CR1L: variants seen among roughly 807,000 people sequenced by gnomAD.
CR1L encodes the protein complement C3b/C4b receptor 1 like.
CR1L carries 59 observed loss-of-function variants against 62.3 expected under a neutral mutation model. The observed-to-expected ratio is 0.95, with a 90% CI of 0.77 to 1.18. CR1L has a LOEUF of 1.18. Ranked by LOEUF, CR1L falls within the 50% of genes most tolerant of loss-of-function variation. The probability of loss-of-function intolerance (pLI) is 0.00; values close to 1 mark genes in which losing one functional copy is unlikely to be tolerated. For synonymous variants in CR1L, 279 were observed against 248.7 expected, an observed-to-expected ratio of 1.12 and a Z score of -1.15; for missense variants, 700 against 702.8, an observed-to-expected ratio of 1.00 and a Z score of 0.04.
chr1:207,649,745 A>G (rs1011661523), intron 1 of CR1L, among the ~76,000 whole-genome samples: 1 of 152,178 alleles, frequency 6.6e-6, no homozygotes, highest in Non-Finnish European at 1.5e-5. Context: ...TATGTTAGGA[A>G]GCCTTAGACA....
chr1:207,664,701 CAGAGG>C (rs1253740823), intron 1 of CR1L, among the ~76,000 whole-genome samples: 4 of 152,016 alleles, frequency 2.6e-5, no homozygotes, highest in Admixed American at 2.6e-4. Flanking sequence ...TGTTTGAGAG[CAGAGG>C]AGAGAATTGC....
chr1:207,667,632 T>G (rs1260562993), intron 1 of CR1L, among the ~76,000 whole-genome samples: 1 of 152,232 alleles, frequency 6.6e-6, no homozygotes, highest in African/African-American at 2.4e-5. Context: ...TCCTTTTCTC[T>G]CATTCTTGGA....
chr1:207,689,128 T>A lies in CR1L; in HGVS notation c.463+5171T>A, dbSNP rs146085934. On this transcript the variant is annotated intron_variant, in intron 4 of 11. Coordinates refer to ENST00000508064, the MANE Select transcript of CR1L (RefSeq NM_175710.2). ...GTATGCTGTAGATTTTTGTATGATA[T>A]CCTTTATTAGATTAAGGAAACTCCC... Among the ~76,000 whole-genome samples, 1,313 of 152,250 alleles carry A rather than the reference T, an allele frequency of 8.6e-3. 18 individuals carry two copies. The highest frequency in any genetic ancestry group is 0.024 in the African/African-American group (1,018 of 41,562).
chr1:207,710,919 A>G, intron 10 of CR1L: 1 of 931,596 alleles, frequency 1.1e-6, no homozygotes, highest in Non-Finnish European at 1.6e-6. Context: ...AAGAAGCATG[A>G]AATTAAGAAT....
intron 4 of CR1L, among the ~76,000 whole-genome samples, chr1:207,693,747 G>C (rs1290442000): frequency 6.6e-6 from 1 of 151,680 alleles, no homozygotes; most frequent in East Asian, 1.9e-4. Flanking sequence ...GTTCAATAGA[G>C]CTTATCTTTT....
At chr1:207,716,721 A>G (rs1015946096) in intron 10 of CR1L, among the ~76,000 whole-genome samples, 2 of 152,232 alleles carry the variant, frequency 1.3e-5, no homozygotes, top group African/African-American at 4.8e-5. Context: ...AAATTCAAGC[A>G]TGAGAAGTTA....
intron 9 of CR1L, among the ~76,000 whole-genome samples, chr1:207,706,013 GTA>G (rs139294447): frequency 0.24 from 32,423 of 132,798 alleles, 3,730 homozygotes; most frequent in South Asian, 0.25. Context: ...GTGTGTGTAT[GTA>G]TATATATATA....
intron 3 of CR1L, among the ~76,000 whole-genome samples, chr1:207,678,904 C>G (rs941481763): frequency 1.3e-5 from 2 of 152,038 alleles, no homozygotes; most frequent in African/African-American, 4.8e-5. Flanking sequence ...ACTCCAGTTT[C>G]TGTCTCTGTC....
chr1:207,679,356 A>G (rs1042134723), intron 3 of CR1L, among the ~76,000 whole-genome samples: 2 of 151,774 alleles, frequency 1.3e-5, no homozygotes, highest in African/African-American at 4.8e-5. Context: ...TGGGGCCCAC[A>G]CTAACAACTT....
chr1:207,701,479 G>C (rs918357220), intron 8 of CR1L, 40 bp from the exon 9 acceptor site: 2 of 1,610,934 alleles, frequency 1.2e-6, no homozygotes, highest in Non-Finnish European at 1.7e-6. Context: ...AGAGAGTTCA[G>C]ATTACTCTAC....
intron 1 of CR1L, among the ~76,000 whole-genome samples, chr1:207,672,706 A>G (rs1450571395): frequency 1.3e-5 from 2 of 152,122 alleles, no homozygotes; most frequent in Non-Finnish European, 2.9e-5. Context: ...AGTGTTTAAC[A>G]TAGGGTAGAC....
chr1:207,718,176 G>T (rs1222607632), intron 11 of CR1L, among the ~76,000 whole-genome samples: 1 of 152,180 alleles, frequency 6.6e-6, no homozygotes, highest in Non-Finnish European at 1.5e-5. Context: ...CCAAGGGTTT[G>T]TTCAAGCCGC....
chr1:207,673,676 C>A (rs1411564204), intron 1 of CR1L, among the ~76,000 whole-genome samples: 2 of 152,098 alleles, frequency 1.3e-5, no homozygotes. Flanking sequence ...CAAGTGTTGG[C>A]AATAAAGTGG....
At chr1:207,655,221 T>C (rs1388936694) in intron 1 of CR1L, 4 of 693,832 alleles carry the variant, frequency 5.8e-6, no homozygotes, top group African/African-American at 3.6e-5. Context: ...AATTCTATAT[T>C]GTGAACTTAA....
At chr1:207,686,116 C>CTCCA (rs370893718) in intron 4 of CR1L, among the ~76,000 whole-genome samples, 14 of 15,330 alleles carry the variant, frequency 9.1e-4, no homozygotes, top group East Asian at 2.5e-3. Flanking sequence ...TCCTCCCTCC[C>CTCCA]TCCCTCCCTT....
At chr1:207,660,604 T>A (rs1221167908) in intron 1 of CR1L, among the ~76,000 whole-genome samples, 1 of 152,250 alleles carries the variant, frequency 6.6e-6, no homozygotes, top group Non-Finnish European at 1.5e-5. Flanking sequence ...AGCTCCTGGA[T>A]CCATTGATTT....
chr1:207,695,642 A>G (rs1664067205), intron 5 of CR1L, among the ~76,000 whole-genome samples: 1 of 152,198 alleles, frequency 6.6e-6, no homozygotes, highest in Admixed American at 6.5e-5. Context: ...CACATTGTAT[A>G]AAGAACTACC....
intron 2 of CR1L, 95 bp downstream of exon 2, chr1:207,677,663 A>G: frequency 7.0e-7 from 1 of 1,422,874 alleles, no homozygotes; most frequent in Non-Finnish European, 9.6e-7. Context: ...TGCATACAAC[A>G]ATTAGTTTGC....
At chr1:207,681,060 T>G (rs1198871800) in intron 3 of CR1L, among the ~76,000 whole-genome samples, 1 of 152,248 alleles carries the variant, frequency 6.6e-6, no homozygotes, top group Admixed American at 6.5e-5. Flanking sequence ...ATCTCATTAT[T>G]TAAGGTTAAC....
Sources: gnomAD v4.1 joint callset for allele counts (sites outside exome capture counted in the v4.1 genomes callset) on GRCh38, gnomAD v4.1.1 for gene constraint, MANE v1.5 for transcripts, NCBI Gene and HGNC (gene_info 2026-07-23, HGNC 2026-07-21) for gene names.